The following RBFOX1 variants were observed in gnomAD, a reference collection of about 807,000 sequenced individuals.
The protein encoded by RBFOX1 is RNA binding fox-1 homolog 1, also known as RNA binding protein fox-1 homolog 1.
A neutral mutation model predicts 57.7 loss-of-function variants in RBFOX1; 8 were observed. The ratio of observed to expected loss-of-function variants is 0.14; its 90% CI spans 0.08 to 0.25. RBFOX1 has a LOEUF of 0.25. Among genes scored for constraint, RBFOX1 ranks in the 10% least tolerant of loss-of-function variants. The pLI is 1.00. For missense variants in RBFOX1, 611 were observed against 548.5 expected, an observed-to-expected ratio of 1.11 and a Z score of -1.14; for synonymous variants, 326 against 222.4, an observed-to-expected ratio of 1.47 and a Z score of -4.15.
At chr16:5,316,995 T>G (rs1001143862) in intron 1 of RBFOX1, among the ~76,000 whole-genome samples, 1 of 152,188 alleles carries the variant, frequency 6.6e-6, no homozygotes, top group Non-Finnish European at 1.5e-5. Context: ...CATATTTTCC[T>G]GCCCTTGGAT....
At chr16:7,217,292 C>CTTCTTTT (rs2092266887) in intron 4 of RBFOX1, among the ~76,000 whole-genome samples, 1 of 104,080 alleles carries the variant, frequency 9.6e-6, no homozygotes, top group African/African-American at 3.8e-5. Context: ...TCTTATTCTT[C>CTTCTTTT]TTTTTTTTTT....
chr16:6,239,623 G>C (rs539720943), intron 1 of RBFOX1, among the ~76,000 whole-genome samples: 10 of 150,860 alleles, frequency 6.6e-5, no homozygotes, highest in Admixed American at 1.3e-4. Flanking sequence ...TCAGCCTCCT[G>C]AGTAGCTGGG....
chr16:7,426,362 C>G (rs2098612051), intron 4 of RBFOX1, among the ~76,000 whole-genome samples: 1 of 152,152 alleles, frequency 6.6e-6, no homozygotes, highest in Admixed American at 6.5e-5. Context: ...CACTTAACAC[C>G]CAGCTCTGGG....
chr16:6,344,407 C>CT lies in RBFOX1; in HGVS notation c.-64+27362dup, dbSNP rs60637926. On this transcript the variant is annotated intron_variant, in intron 2 of 15. Transcript: ENST00000550418. ...TCTCTTCTTCTTTTTTCTTTTTTTT[C>CT]TTTTTTTTTTTTGAGACAGAGTCTC... Among the ~76,000 whole-genome samples, 560 of 109,830 alleles carry CT rather than the reference C, an allele frequency of 5.1e-3. 40 individuals are homozygous for CT. The highest frequency in any genetic ancestry group is 0.015 in the African/African-American group (338 of 22,988). The allele number at this position is 109,830 out of a possible 152,430, so 72.1% of individuals were successfully genotyped here.
chr16:5,422,767 T>C (rs114292523), intron 1 of RBFOX1, among the ~76,000 whole-genome samples: 4,605 of 60,812 alleles, frequency 0.076, 198 homozygotes, highest in African/African-American at 0.18. Flanking sequence ...AGGAAGAAGA[T>C]GGAGAGGGAG....
intron 2 of RBFOX1, among the ~76,000 whole-genome samples, chr16:6,599,714 C>G (rs1419816127): frequency 6.6e-6 from 1 of 152,208 alleles, no homozygotes; most frequent in Non-Finnish European, 1.5e-5. Context: ...CTCCACTACT[C>G]TGTTTCCCAT....
intron 1 of RBFOX1, among the ~76,000 whole-genome samples, chr16:5,333,701 T>C (rs8043894): frequency 0.078 from 11,831 of 152,264 alleles, 615 homozygotes; most frequent in East Asian, 0.15. Context: ...GGTGCACTTA[T>C]ACAAACCTAG....
chr16:6,629,140 G>C (rs1017830518), intron 2 of RBFOX1, among the ~76,000 whole-genome samples: 7 of 152,226 alleles, frequency 4.6e-5, no homozygotes, highest in Non-Finnish European at 1.0e-4. Context: ...ACATATATGT[G>C]TGTATAATTT....
At chr16:6,072,713 T>G (rs1991055) in intron 1 of RBFOX1, among the ~76,000 whole-genome samples, 53,691 of 151,742 alleles carry the variant, frequency 0.35, 10,282 homozygotes, top group Non-Finnish European at 0.42. Flanking sequence ...TTCCCTATGT[T>G]TAGTGAGCTG....
intron 3 of RBFOX1, among the ~76,000 whole-genome samples, chr16:5,806,986 A>G (rs894150468): frequency 6.6e-6 from 1 of 152,164 alleles, no homozygotes; most frequent in Non-Finnish European, 1.5e-5. Flanking sequence ...ATGTCTTGCC[A>G]TGGCCTGGGG....
intron 2 of RBFOX1, among the ~76,000 whole-genome samples, chr16:6,374,642 T>C (rs1445538635): frequency 6.6e-6 from 1 of 152,200 alleles, no homozygotes; most frequent in East Asian, 1.9e-4. Flanking sequence ...CACAGTACTT[T>C]ATATCCTGGC....
At chr16:5,678,054 T>G (rs2050218669) in intron 3 of RBFOX1, among the ~76,000 whole-genome samples, 1 of 152,218 alleles carries the variant, frequency 6.6e-6, no homozygotes. Flanking sequence ...AGGGATTCAC[T>G]ATTGTGTTGG....
chr16:6,969,821 G>C (rs369569925), intron 3 of RBFOX1, among the ~76,000 whole-genome samples: 1 of 152,178 alleles, frequency 6.6e-6, no homozygotes, highest in South Asian at 2.1e-4. Context: ...CCTCATCCTC[G>C]TTCTGGCCCT....
chr16:5,823,883 T>A (rs903970262), intron 3 of RBFOX1, among the ~76,000 whole-genome samples: 1 of 152,176 alleles, frequency 6.6e-6, no homozygotes, highest in Non-Finnish European at 1.5e-5. Context: ...AAAGTAATAA[T>A]ATAAATGAAG....
intron 4 of RBFOX1, among the ~76,000 whole-genome samples, chr16:7,439,451 G>A (rs1305858377): frequency 6.6e-6 from 1 of 151,810 alleles, no homozygotes; most frequent in Non-Finnish European, 1.5e-5. Flanking sequence ...CAAATCATTT[G>A]TATTCTTCTT....
intron 3 of RBFOX1, among the ~76,000 whole-genome samples, chr16:5,742,779 A>T (rs1405086600): frequency 2.0e-5 from 3 of 152,212 alleles, no homozygotes; most frequent in Admixed American, 6.5e-5. Flanking sequence ...GAGGCTTCAA[A>T]TTAGTATTAG....
At chr16:6,860,408 C>T (rs561508075) in intron 3 of RBFOX1, among the ~76,000 whole-genome samples, 48 of 152,292 alleles carry the variant, frequency 3.2e-4, no homozygotes, top group African/African-American at 1.1e-3. Flanking sequence ...GCAAGTCTTA[C>T]AAAACACTAC....
chr16:7,126,575 C>T (rs2068613321), intron 4 of RBFOX1: 1 of 198,832 alleles, frequency 5.0e-6, no homozygotes, highest in African/African-American at 2.3e-5. Context: ...GTTCGTGCAG[C>T]AAATAGGCTG....
At chr16:6,319,597 C>T (rs1485381939) in intron 2 of RBFOX1, among the ~76,000 whole-genome samples, 1 of 152,196 alleles carries the variant, frequency 6.6e-6, no homozygotes, top group Non-Finnish European at 1.5e-5. Context: ...TTCCCCAATA[C>T]TCTTCTTCAA....
Sources: gnomAD v4.1 joint callset for allele counts (sites outside exome capture counted in the v4.1 genomes callset) on GRCh38, gnomAD v4.1.1 for gene constraint, MANE v1.5 for transcripts, NCBI Gene and HGNC (gene_info 2026-07-23, HGNC 2026-07-21) for gene names.